TAFA1: variants seen among roughly 807,000 people sequenced by gnomAD.
TAFA1 encodes the protein TAFA chemokine like family member 1, also known as chemokine-like protein TAFA-1.
Under a neutral mutation model 18.5 loss-of-function variants are expected in TAFA1, and 4 were observed. The observed-to-expected ratio is 0.22, with a 90% CI of 0.11 to 0.49. TAFA1 has a LOEUF of 0.49. TAFA1 is among the 20% of genes least tolerant of loss of function. The pLI is 0.98. For missense variants in TAFA1, 147 were observed against 169.0 expected, an observed-to-expected ratio of 0.87 and a Z score of 0.72; for synonymous variants, 56 against 55.2, an observed-to-expected ratio of 1.01 and a Z score of -0.06.
At chr3:68,536,220 G>T (rs1345569428) in intron 3 of TAFA1, among the ~76,000 whole-genome samples, 1 of 152,174 alleles carries the variant, frequency 6.6e-6, no homozygotes, top group African/African-American at 2.4e-5. Flanking sequence ...AAAGCCTAAG[G>T]GCAGAGAGAT....
At chr3:68,353,303 G>A (rs79126919) in intron 2 of TAFA1, among the ~76,000 whole-genome samples, 189 of 152,166 alleles carry the variant, frequency 1.2e-3, no homozygotes, top group African/African-American at 4.3e-3. Context: ...TCTGTTCCTA[G>A]AAGTCACATT....
intron 3 of TAFA1, among the ~76,000 whole-genome samples, chr3:68,530,472 C>G (rs1394616792): frequency 1.3e-5 from 2 of 152,170 alleles, no homozygotes; most frequent in East Asian, 3.9e-4. Flanking sequence ...GAAAGATGAA[C>G]ATTCTGGAAA....
At chr3:68,009,577 A>G (rs1264581504) in intron 2 of TAFA1, among the ~76,000 whole-genome samples, 2 of 152,234 alleles carry the variant, frequency 1.3e-5, no homozygotes, top group African/African-American at 4.8e-5. Flanking sequence ...AAGAAACTAT[A>G]AATATCCCTT....
At chr3:68,209,993 G>A (rs909454044) in intron 2 of TAFA1, among the ~76,000 whole-genome samples, 11 of 151,936 alleles carry the variant, frequency 7.2e-5, no homozygotes, top group Non-Finnish European at 1.3e-4. Context: ...TGGTCTGAAA[G>A]TGCCAAACTC....
chr3:68,330,344 C>T (rs1443044517), intron 2 of TAFA1, among the ~76,000 whole-genome samples: 1 of 152,162 alleles, frequency 6.6e-6, no homozygotes, highest in African/African-American at 2.4e-5. Flanking sequence ...GTGCTTATTA[C>T]TGCAACTGGA....
intron 3 of TAFA1, among the ~76,000 whole-genome samples, chr3:68,487,462 T>C (rs1263870019): frequency 6.6e-6 from 1 of 152,158 alleles, no homozygotes; most frequent in Non-Finnish European, 1.5e-5. Flanking sequence ...TTTCTATGAC[T>C]GTTGGCCAGG....
At chr3:68,193,330 A>T (rs2066371986) in intron 2 of TAFA1, among the ~76,000 whole-genome samples, 1 of 151,854 alleles carries the variant, frequency 6.6e-6, no homozygotes, top group South Asian at 2.1e-4. Context: ...AGTTTAAGAG[A>T]TAATAAAGCA....
chr3:68,489,226 T>C (rs1329220612), intron 3 of TAFA1, among the ~76,000 whole-genome samples: 4 of 152,200 alleles, frequency 2.6e-5, no homozygotes, highest in Non-Finnish European at 2.9e-5. Flanking sequence ...AAGGTAAATG[T>C]AATGAATAAA....
At chr3:68,002,048 G>T (rs1381243357), upstream of TAFA1, among the ~76,000 whole-genome samples, 1 of 152,186 alleles carries the variant, frequency 6.6e-6, no homozygotes, top group Non-Finnish European at 1.5e-5. Flanking sequence ...AAGGGATCAG[G>T]AAGTGCAATC....
At position 68,357,624 on chromosome 3, in the gene TAFA1, G is replaced by A. The variant is rs146949495; in HGVS notation, c.119-59656G>A. Among the ~76,000 whole-genome samples, 906 of 151,966 alleles carry A rather than the reference G, an allele frequency of 6.0e-3. 8 individuals are homozygous for A. The highest frequency in any genetic ancestry group is 0.021 in the African/African-American group (853 of 41,492). On this transcript the variant is annotated intron_variant, in intron 2 of 4. Transcript: ENST00000478136. ...GCCAAGTAGAAAACTCCAATTAGCT[G>A]ACAAGTGGTTAAAGTGCTGCTGAGA...
At chr3:68,138,980 A>G (rs1311010859) in intron 2 of TAFA1, among the ~76,000 whole-genome samples, 2 of 152,182 alleles carry the variant, frequency 1.3e-5, no homozygotes, top group Non-Finnish European at 2.9e-5. Context: ...ATGAACCAGC[A>G]TATCGACAGT....
chr3:68,347,799 T>C (rs923510191), intron 2 of TAFA1, among the ~76,000 whole-genome samples: 2 of 152,180 alleles, frequency 1.3e-5, no homozygotes, highest in Non-Finnish European at 2.9e-5. Context: ...ACAATATGCC[T>C]TTTGGAAGGG....
intron 2 of TAFA1, among the ~76,000 whole-genome samples, chr3:68,021,024 A>T (rs1704676919): frequency 6.6e-6 from 1 of 151,798 alleles, no homozygotes; most frequent in Non-Finnish European, 1.5e-5. Flanking sequence ...CATCTCTACT[A>T]AAAATACAAA....
At chr3:68,202,845 A>G (rs2066483702) in intron 2 of TAFA1, among the ~76,000 whole-genome samples, 1 of 151,688 alleles carries the variant, frequency 6.6e-6, no homozygotes, top group Non-Finnish European at 1.5e-5. Context: ...TGTTAAATCA[A>G]TGAAGAATAA....
chr3:68,223,007 A>G (rs1244271144), intron 2 of TAFA1, among the ~76,000 whole-genome samples: 1 of 152,034 alleles, frequency 6.6e-6, no homozygotes, highest in Non-Finnish European at 1.5e-5. Context: ...ATCACTTTCT[A>G]TTGAACATTC....
chr3:68,513,157 C>T (rs537721391), intron 3 of TAFA1, among the ~76,000 whole-genome samples: 1 of 152,208 alleles, frequency 6.6e-6, no homozygotes, highest in South Asian at 2.1e-4. Context: ...ACAGGTGCCT[C>T]CAGAGTGGTG....
At chr3:68,387,976 C>G (rs1017833856) in intron 2 of TAFA1, among the ~76,000 whole-genome samples, 42 of 152,154 alleles carry the variant, frequency 2.8e-4, no homozygotes, top group Non-Finnish European at 7.4e-5. Context: ...TGGAACTTCC[C>G]TGTTCCACTA....
chr3:68,155,593 G>A (rs770851813), intron 2 of TAFA1, among the ~76,000 whole-genome samples: 1 of 152,036 alleles, frequency 6.6e-6, no homozygotes, highest in Non-Finnish European at 1.5e-5. Flanking sequence ...GTGGCCCAAG[G>A]GGAAGTGATT....
chr3:68,528,996 C>G (rs1356863324), intron 3 of TAFA1, among the ~76,000 whole-genome samples: 4 of 152,050 alleles, frequency 2.6e-5, no homozygotes, highest in African/African-American at 4.8e-5. Context: ...TCCTCACAAC[C>G]CTTTGATATA....
Sources: gnomAD v4.1 joint callset for allele counts (sites outside exome capture counted in the v4.1 genomes callset) on GRCh38, gnomAD v4.1.1 for gene constraint, MANE v1.5 for transcripts, NCBI Gene and HGNC (gene_info 2026-07-23, HGNC 2026-07-21) for gene names.